KLHL13: variants seen among roughly 807,000 people sequenced by gnomAD.
The protein encoded by KLHL13 is kelch-like protein 13.
Under a neutral mutation model 37.1 loss-of-function variants are expected in KLHL13, and 10 were observed. The observed-to-expected ratio is 0.27, with a 90% CI of 0.17 to 0.46. The LOEUF (loss-of-function observed/expected upper bound fraction) is 0.46. KLHL13 is among the 20% of genes least tolerant of loss of function. The pLI is 1.00. For missense variants in KLHL13, 360 were observed against 509.3 expected (o/e 0.71, Z 2.82); for synonymous variants, 163 against 181.2 (o/e 0.90, Z 0.81).
At chrX:118,080,407 T>TA (rs375766338) in intron 1 of KLHL13, among the ~76,000 whole-genome samples, 4,151 of 110,165 alleles carry the variant, frequency 0.038, 219 homozygotes, top group African/African-American at 0.13. Flanking sequence ...ATAAGTAACT[T>TA]AAACAAATCA....
intron 1 of KLHL13, among the ~76,000 whole-genome samples, chrX:118,040,194 C>T (rs1028866397): frequency 4.5e-5 from 5 of 111,551 alleles, no homozygotes; most frequent in African/African-American, 1.6e-4. Context: ...CTCTTCAATG[C>T]CCAGACACCA....
chrX:117,961,732 T>C (rs1294979779), intron 1 of KLHL13, among the ~76,000 whole-genome samples: 1 of 110,727 alleles, frequency 9.0e-6, no homozygotes, highest in East Asian at 2.8e-4. Context: ...GAAGCTGAAA[T>C]TGTCCTTTAA....
At chrX:118,003,349 AT>A (rs66923005) in intron 1 of KLHL13, among the ~76,000 whole-genome samples, 7,020 of 111,165 alleles carry the variant, frequency 0.063, 535 homozygotes, top group African/African-American at 0.21. Context: ...ATCCTGTCTC[AT>A]TTTTTTTAAA....
intron 1 of KLHL13, among the ~76,000 whole-genome samples, chrX:118,084,887 T>C: frequency 9.1e-6 from 1 of 109,680 alleles, no homozygotes; most frequent in Non-Finnish European, 1.9e-5. Flanking sequence ...TAGCCAGGCG[T>C]GGTGGCATGT....
chrX:118,112,757 T>C (rs1184200641), intron 1 of KLHL13, among the ~76,000 whole-genome samples: 1 of 112,040 alleles, frequency 8.9e-6, no homozygotes, highest in African/African-American at 3.2e-5. Flanking sequence ...GCATTCCTAT[T>C]TGGGACCAAC....
At chrX:117,993,536 G>A (rs1053807958) in intron 1 of KLHL13, among the ~76,000 whole-genome samples, 1 of 110,930 alleles carries the variant, frequency 9.0e-6, no homozygotes, top group African/African-American at 3.3e-5. Flanking sequence ...AAGGTTACAC[G>A]ATCTGTAAAT....
intron 1 of KLHL13, among the ~76,000 whole-genome samples, chrX:118,033,514 A>C (rs2054389127): frequency 9.0e-6 from 1 of 110,858 alleles, no homozygotes; most frequent in South Asian, 3.9e-4. Flanking sequence ...AAGGAGAAAT[A>C]AAATACTTTA....
At chrX:117,939,900 ACT>A (rs776314003) in intron 2 of KLHL13, among the ~76,000 whole-genome samples, 118 of 110,702 alleles carry the variant, frequency 1.1e-3, no homozygotes, top group Non-Finnish European at 1.1e-3. Context: ...ATTCCTGTAC[ACT>A]CTGATGATAG....
chrX:118,075,258 G>A (rs1400256561), intron 1 of KLHL13, among the ~76,000 whole-genome samples: 1 of 111,659 alleles, frequency 9.0e-6, no homozygotes, highest in Non-Finnish European at 1.9e-5. Flanking sequence ...ATGAGAATTA[G>A]CAAGTGATCA....
chrX:118,022,288 TG>T (rs1393848062), intron 1 of KLHL13, among the ~76,000 whole-genome samples: 2 of 112,058 alleles, frequency 1.8e-5, no homozygotes, highest in Admixed American at 9.5e-5. Context: ...TGTATAATGT[TG>T]CAATGAACAT....
intron 1 of KLHL13, among the ~76,000 whole-genome samples, chrX:118,107,628 T>A (rs2055359758): frequency 8.9e-6 from 1 of 111,903 alleles, no homozygotes; most frequent in African/African-American, 3.3e-5. Flanking sequence ...GATGAGATAG[T>A]TTACAAGGGA....
At chrX:117,951,848 G>A (rs1000080311) in intron 1 of KLHL13, among the ~76,000 whole-genome samples, 11 of 111,909 alleles carry the variant, frequency 9.8e-5, no homozygotes, top group African/African-American at 3.2e-4. Flanking sequence ...ACTTACAAAG[G>A]ACATGAAGGA....
intron 1 of KLHL13, among the ~76,000 whole-genome samples, chrX:118,043,748 C>A (rs1435714475): frequency 8.9e-6 from 1 of 111,734 alleles, no homozygotes; most frequent in African/African-American, 3.2e-5. Context: ...CACCTCACCA[C>A]AATAAAGGCT....
intron 1 of KLHL13, among the ~76,000 whole-genome samples, chrX:118,010,832 G>A (rs2054057950): frequency 9.0e-6 from 1 of 111,064 alleles, no homozygotes; most frequent in Non-Finnish European, 1.9e-5. Flanking sequence ...CAGTACTTTG[G>A]GAGGCTGAGG....
chrX:117,909,067 G>A (rs1282332919), intron 5 of KLHL13, among the ~76,000 whole-genome samples: 1 of 111,955 alleles, frequency 8.9e-6, no homozygotes, highest in Admixed American at 9.5e-5. Context: ...TACTGCACAG[G>A]TGAAATATGC....
rs765851671 is a variant in KLHL13 at position 117,951,324 on chromosome X, T to C, written c.99-5749A>G. ...CCCAACTAAAATGTCATTTATAGTA[T>C]CATTACACAAAGAAATTATAAATAT... is the stretch of plus-strand genomic sequence containing the variant. On this transcript the variant is annotated intron_variant, in intron 1 of 6. Transcript: ENST00000262820. 1.2e-3 allele frequency among the ~76,000 whole-genome samples: 133 copies of C among 112,334 alleles called. 1 individual carries two copies. The highest frequency in any genetic ancestry group is 4.2e-3 in the African/African-American group (130 of 31,049).
intron 1 of KLHL13, among the ~76,000 whole-genome samples, chrX:117,959,513 G>A (rs1431125747): frequency 4.5e-5 from 5 of 112,072 alleles, no homozygotes; most frequent in Non-Finnish European, 9.4e-5. Context: ...TGTAGAGCTG[G>A]TCTTTAATAT....
At chrX:118,089,588 A>AAG (rs199722513) in intron 1 of KLHL13, among the ~76,000 whole-genome samples, 8,649 of 79,983 alleles carry the variant, frequency 0.11, 547 homozygotes, top group Middle Eastern at 0.23. Context: ...AAGAAAAGAA[A>AAG]AGAGAGAGAG....
At chrX:117,900,616 C>T (rs1930024063) in intron 6 of KLHL13, among the ~76,000 whole-genome samples, 1 of 111,783 alleles carries the variant, frequency 8.9e-6, no homozygotes, top group Non-Finnish European at 1.9e-5. Context: ...ACACCAGAAA[C>T]CTGCCAATCA....
Sources: allele counts gnomAD v4.1 joint callset (sites outside exome capture counted in the v4.1 genomes callset), GRCh38; gene constraint gnomAD v4.1.1; transcripts MANE v1.5; gene names NCBI Gene and HGNC (gene_info 2026-07-23, HGNC 2026-07-21).